HDAC9: variants seen among roughly 807,000 people sequenced by gnomAD.
HDAC9 encodes the protein MEF-2 interacting transcription repressor (MITR) protein.
In HDAC9, 41 loss-of-function variants were observed where a neutral mutation model predicts 139.4. That is an observed-to-expected ratio of 0.29 (90% CI 0.23 to 0.38). The LOEUF (loss-of-function observed/expected upper bound fraction) is 0.38, where lower values mean the gene tolerates loss of function less well. Among genes scored for constraint, HDAC9 ranks in the 10% least tolerant of loss-of-function variants. HDAC9 has a pLI of 1.00. For missense variants in HDAC9, 1,147 were observed against 1,297.0 expected (o/e 0.88, Z 1.78); for synonymous variants, 517 against 476.2 (o/e 1.09, Z -1.12).
At chr7:18,879,442 T>C (rs542011146) in intron 22 of HDAC9, among the ~76,000 whole-genome samples, 3 of 152,218 alleles carry the variant, frequency 2.0e-5, no homozygotes, top group African/African-American at 7.2e-5. Flanking sequence ...CAAAACAGCA[T>C]GGTACTGGTA....
chr7:18,507,716 C>T (rs543877299), intron 2 of HDAC9, among the ~76,000 whole-genome samples: 1 of 152,176 alleles, frequency 6.6e-6, no homozygotes, highest in Non-Finnish European at 1.5e-5. Context: ...GTCTCGATCT[C>T]TCGACCTCAG....
At chr7:18,542,161 C>G (rs911435872) in intron 2 of HDAC9, among the ~76,000 whole-genome samples, 3 of 152,156 alleles carry the variant, frequency 2.0e-5, no homozygotes, top group Admixed American at 2.0e-4. Flanking sequence ...TCACGAACCA[C>G]TGATCTCGAT....
intron 2 of HDAC9, among the ~76,000 whole-genome samples, chr7:18,559,298 G>A (rs755582534): frequency 6.6e-6 from 1 of 152,050 alleles, no homozygotes; most frequent in African/African-American, 2.4e-5. Context: ...ACACACCTTC[G>A]TCCTGCTGAT....
intron 16 of HDAC9, among the ~76,000 whole-genome samples, chr7:18,785,690 A>G (rs1791655337): frequency 6.6e-6 from 1 of 152,152 alleles, no homozygotes; most frequent in South Asian, 2.1e-4. Context: ...TATGATTAGA[A>G]TCTGTTTTTT....
intron 2 of HDAC9, among the ~76,000 whole-genome samples, chr7:18,226,534 C>G (rs1391908655): frequency 3.3e-5 from 5 of 152,078 alleles, no homozygotes; most frequent in Non-Finnish European, 7.4e-5. Context: ...ATAAAAAAAA[C>G]TAAAGGAGTG....
chr7:18,750,744 C>A (rs1481378311), intron 14 of HDAC9, among the ~76,000 whole-genome samples: 1 of 152,120 alleles, frequency 6.6e-6, no homozygotes, highest in Non-Finnish European at 1.5e-5. Context: ...ATAAAGTAGA[C>A]CAGCAAGGAG....
At chr7:18,962,394 T>C (rs1783582883) in intron 24 of HDAC9, among the ~76,000 whole-genome samples, 1 of 152,154 alleles carries the variant, frequency 6.6e-6, no homozygotes, top group African/African-American at 2.4e-5. Context: ...AACTTCTAAT[T>C]AACCATTCTC....
intron 1 of HDAC9, among the ~76,000 whole-genome samples, chr7:18,477,533 G>A (rs545223316): frequency 3.1e-3 from 479 of 152,178 alleles, no homozygotes; most frequent in African/African-American, 0.011. Context: ...GTTTCCATAT[G>A]GTGAAAATAC....
intron 1 of HDAC9, among the ~76,000 whole-genome samples, chr7:18,117,968 A>C (rs534814832): frequency 7.1e-4 from 108 of 152,124 alleles, no homozygotes; most frequent in Non-Finnish European, 1.3e-3. Context: ...ACATTAGACA[A>C]CTGGGCTCTG....
At chr7:18,149,090 A>G (rs1006731245) in intron 1 of HDAC9, among the ~76,000 whole-genome samples, 1 of 152,138 alleles carries the variant, frequency 6.6e-6, no homozygotes, top group Non-Finnish European at 1.5e-5. Flanking sequence ...ATCCTTGCCA[A>G]CGTGAGGATT....
At chr7:18,726,986 C>A (rs981914591) in intron 12 of HDAC9, among the ~76,000 whole-genome samples, 5 of 151,898 alleles carry the variant, frequency 3.3e-5, no homozygotes, top group African/African-American at 1.2e-4. Context: ...TATTAAAAAC[C>A]AAATAATTTT....
chr7:18,626,064 A>G (rs1237791114), intron 6 of HDAC9, among the ~76,000 whole-genome samples: 2 of 151,904 alleles, frequency 1.3e-5, no homozygotes, highest in South Asian at 4.2e-4. Flanking sequence ...CTACTTAACA[A>G]GGAAGTTAGT....
chr7:18,249,485 A>C (rs1197807986), intron 2 of HDAC9, among the ~76,000 whole-genome samples: 1 of 141,626 alleles, frequency 7.1e-6, no homozygotes, highest in Non-Finnish European at 1.5e-5. Context: ...CCTGAGCGAC[A>C]GAGCAAGACT....
At chr7:18,910,716 T>G (rs562818335) in intron 22 of HDAC9, among the ~76,000 whole-genome samples, 2 of 152,022 alleles carry the variant, frequency 1.3e-5, no homozygotes, top group African/African-American at 2.4e-5. Flanking sequence ...GATGATCGTA[T>G]GGCTTTCATC....
chr7:18,412,366 C>T (rs187479041), intron 1 of HDAC9, among the ~76,000 whole-genome samples: 30 of 152,100 alleles, frequency 2.0e-4, no homozygotes, highest in African/African-American at 6.0e-4. Context: ...GTCAAAACTA[C>T]GATGGAATGT....
intron 7 of HDAC9, among the ~76,000 whole-genome samples, chr7:18,629,848 C>T (rs1781801686): frequency 6.6e-6 from 1 of 152,040 alleles, no homozygotes; most frequent in African/African-American, 2.4e-5. Context: ...AACACTTTCC[C>T]CTGTACTCAG....
At position 18,706,979 on chromosome 7, in the gene HDAC9, G is replaced by A. The variant is rs570970329; in HGVS notation, c.1732-20601G>A. Among the ~76,000 whole-genome samples, 7 of 152,308 alleles carry A rather than the reference G, an allele frequency of 4.6e-5. No individual in the cohort carries two copies. The South Asian group carries it at 1.5e-3, about 32-fold the overall frequency. ...AGACGAGGTTATGGAGGCTGGGTAT[G>A]CAGCTTGGGAACCAGCAGCAGAGGA... On this transcript the variant is annotated intron_variant, in intron 12 of 25. Coordinates refer to ENST00000686413, the MANE Select transcript of HDAC9 (RefSeq NM_178425.4).
At chr7:18,931,525 G>A (rs1458586138) in intron 22 of HDAC9, among the ~76,000 whole-genome samples, 1 of 152,120 alleles carries the variant, frequency 6.6e-6, no homozygotes, top group Non-Finnish European at 1.5e-5. Context: ...GTAGTTAAGT[G>A]GTTAAAATCA....
upstream of HDAC9, among the ~76,000 whole-genome samples, chr7:18,288,262 A>T (rs1797583597): frequency 6.6e-6 from 1 of 152,258 alleles, no homozygotes. Context: ...AGAAATAAAT[A>T]TCAGATCTTA....
Sources: allele counts gnomAD v4.1 joint callset (sites outside exome capture counted in the v4.1 genomes callset), GRCh38; gene constraint gnomAD v4.1.1; transcripts MANE v1.5; gene names NCBI Gene and HGNC (gene_info 2026-07-23, HGNC 2026-07-21).